The following AGO3 variants were observed in gnomAD, a reference collection of about 807,000 sequenced individuals.
AGO3 encodes protein argonaute-3.
AGO3 carries 16 observed loss-of-function variants against 105.5 expected under a neutral mutation model. The observed-to-expected ratio is 0.15, with a 90% CI of 0.10 to 0.23. The LOEUF (loss-of-function observed/expected upper bound fraction) is 0.23. AGO3 is among the 10% of genes least tolerant of loss of function. AGO3 has a pLI of 1.00. For synonymous variants in AGO3, 340 were observed against 367.3 expected, an observed-to-expected ratio of 0.93 and a Z score of 0.85; for missense variants, 534 against 1,088.0, an observed-to-expected ratio of 0.49 and a Z score of 7.16.
intron 13 of AGO3, among the ~76,000 whole-genome samples, chr1:36,035,928 G>A (rs58416739): frequency 0.015 from 2,297 of 152,036 alleles, 50 homozygotes; most frequent in African/African-American, 0.052. Context: ...AGCTACTTGG[G>A]AGGCTAAGGC....
intron 1 of AGO3, 59 bp downstream of exon 1, chr1:35,931,504 T>A: frequency 7.5e-7 from 1 of 1,340,790 alleles, no homozygotes; most frequent in Non-Finnish European, 9.7e-7. Context: ...CCTCTGAGCA[T>A]CCCTGCTCCT....
chr1:35,962,492 G>A (rs138819394), intron 2 of AGO3, among the ~76,000 whole-genome samples: 26 of 150,570 alleles, frequency 1.7e-4, no homozygotes, highest in African/African-American at 5.9e-4. Flanking sequence ...GCAGTGAGCC[G>A]AGATCACGCC....
At chr1:36,009,125 A>T in intron 8 of AGO3, 81 bp downstream of exon 8, 1 of 1,359,728 alleles carries the variant, frequency 7.4e-7, no homozygotes, top group Non-Finnish European at 9.3e-7. Context: ...CTTACCTCAT[A>T]CAGAACATTT....
chr1:35,985,177 A>G (rs371160906), intron 5 of AGO3, among the ~76,000 whole-genome samples: 1 of 152,034 alleles, frequency 6.6e-6, no homozygotes, highest in African/African-American at 2.4e-5. Context: ...CAGCTACTCA[A>G]GAGGCTCAGT....
At position 36,027,030 on chromosome 1, in the gene AGO3, A is replaced by G. The variant is rs147082862; in HGVS notation, c.1407-84A>G. 1,701 of 1,469,596 alleles carry G rather than the reference A, an allele frequency of 1.2e-3. 23 individuals carry two copies. The African/African-American group carries it at 0.021, about 19-fold the overall frequency. 91.0% of individuals were successfully genotyped at this position (1,469,596 alleles called of 1,614,324 possible). A position where few individuals can be genotyped will look rare whatever the true frequency, so the allele number is the denominator to read the frequency against. On this transcript the variant is annotated intron_variant, in intron 11 of 18. Transcript: ENST00000373191. This position sits in a 1 kb window ranked among gnomAD's most constrained non-coding sequence, Gnocchi z 4.0. ...ACACAAATCTTTGCTTCATCCTTCCATTCCCTTCCCAAACTTCCCATTACT... is the reference window on the plus strand; with the variant it reads ...ACACAAATCTTTGCTTCATCCTTCCGTTCCCTTCCCAAACTTCCCATTACT...
chr1:35,952,853 A>G (rs866973096), intron 2 of AGO3, among the ~76,000 whole-genome samples: 1 of 152,234 alleles, frequency 6.6e-6, no homozygotes, highest in South Asian at 2.1e-4. Context: ...CATTTCCTGG[A>G]ACATATCCCC....
At position 36,027,304 on chromosome 1, in the gene AGO3, G is replaced by T; in HGVS notation, c.1591+6G>T. 6.2e-7 allele frequency: 1 copy of T among 1,601,950 alleles called. No homozygotes were observed. Among genetic ancestry groups the T allele is most frequent in the East Asian group, 2.2e-5 (1 of 44,698 alleles). On this transcript the variant is annotated splice_donor_region_variant and intron_variant, in intron 12 of 18. Transcript: ENST00000373191. The surrounding 1 kb of genome is among the most constrained non-coding windows in gnomAD (Gnocchi z 4.0). ...GGGGAAGACACCAGTGTATGGTAAG[G>T]ATATCTTAAGACTGCATTTTTCCTC...
At chr1:35,982,054 G>A (rs1271151928) in intron 5 of AGO3, among the ~76,000 whole-genome samples, 1 of 152,166 alleles carries the variant, frequency 6.6e-6, no homozygotes, top group Non-Finnish European at 1.5e-5. Flanking sequence ...CAGGTTCTAG[G>A]AGAAAGATGG....
chr1:36,010,763 A>T (rs1466133183), intron 9 of AGO3, among the ~76,000 whole-genome samples: 1 of 151,304 alleles, frequency 6.6e-6, no homozygotes, highest in Non-Finnish European at 1.5e-5. Flanking sequence ...AAAATTAGCC[A>T]GGCATAGTGG....
At position 35,931,411 on chromosome 1, in the gene AGO3, C is replaced by A. The variant is rs977360953; in HGVS notation, c.-16C>A. On this transcript the variant is annotated 5_prime_UTR_variant, in exon 1 of 19. Coordinates refer to ENST00000373191, the MANE Select transcript of AGO3 (RefSeq NM_024852.4). ...GGGCTCCGTTCTCCCTCGAAGCACT[C>A]CCCCCAGCTCCATGAATGGAAATCG... The A allele has an allele frequency of 2.7e-6, 4 of 1,486,490 alleles. No individual in the cohort carries two copies. Among genetic ancestry groups the A allele is most frequent in the South Asian group, 1.3e-5 (1 of 74,504 alleles). 92.1% of individuals were successfully genotyped at this position (1,486,490 alleles called of 1,614,324 possible). A position where few individuals can be genotyped will look rare whatever the true frequency, so the allele number is the denominator to read the frequency against.
chr1:36,015,032 C>T (rs1239601699), intron 11 of AGO3, among the ~76,000 whole-genome samples: 2 of 152,048 alleles, frequency 1.3e-5, no homozygotes, highest in Non-Finnish European at 2.9e-5. Context: ...TCCTCCAATT[C>T]AGTTATTACA....
intron 5 of AGO3, among the ~76,000 whole-genome samples, chr1:35,993,835 C>T (rs534347699): frequency 5.4e-5 from 8 of 147,924 alleles, no homozygotes; most frequent in African/African-American, 1.0e-4. Context: ...GCAACCTCCA[C>T]CTCTCAGGTT....
At chr1:36,016,912 T>C (rs577391500) in intron 11 of AGO3, among the ~76,000 whole-genome samples, 1 of 152,182 alleles carries the variant, frequency 6.6e-6, no homozygotes, top group South Asian at 2.1e-4. Flanking sequence ...TGCATGAGCT[T>C]AGTCCAAAAC....
chr1:36,043,956 C>G (rs1482803932), intron 17 of AGO3, among the ~76,000 whole-genome samples: 1 of 152,144 alleles, frequency 6.6e-6, no homozygotes, highest in Admixed American at 6.6e-5. Context: ...CCTCAGCCTC[C>G]CAAGTAGTTG....
intron 17 of AGO3, among the ~76,000 whole-genome samples, chr1:36,046,274 C>T (rs577352829): frequency 6.6e-6 from 1 of 152,326 alleles, no homozygotes; most frequent in South Asian, 2.1e-4. Flanking sequence ...GCTCCAGGGG[C>T]AAGTAGCCAT....
At chr1:35,955,555 T>G (rs1000778567) in intron 2 of AGO3, among the ~76,000 whole-genome samples, 1 of 151,912 alleles carries the variant, frequency 6.6e-6, no homozygotes, top group Non-Finnish European at 1.5e-5. Context: ...AGTTGCAGTG[T>G]GCTGAAAATG....
intron 6 of AGO3, among the ~76,000 whole-genome samples, chr1:36,005,371 G>A (rs781552952): frequency 1.3e-4 from 19 of 151,988 alleles, no homozygotes; most frequent in Non-Finnish European, 1.2e-4. Flanking sequence ...TTCATTCTTC[G>A]CCATTCAGTA....
At chr1:36,013,591 G>A (rs1380295182) in intron 9 of AGO3, 39 bp from the exon 10 acceptor site, 1 of 1,609,626 alleles carries the variant, frequency 6.2e-7, no homozygotes, top group Non-Finnish European at 8.5e-7. Flanking sequence ...GGGATTTGGG[G>A]GAATTTTGAG....
At position 36,008,890 on chromosome 1, in the gene AGO3, TC is replaced by T; in HGVS notation, c.882-5del. 6.2e-7 allele frequency: 1 copy of T among 1,613,936 alleles called. No individual in the cohort carries two copies. Among genetic ancestry groups the T allele is most frequent in the Admixed American group, 1.7e-5 (1 of 59,962 alleles). On this transcript the variant is annotated splice_polypyrimidine_tract_variant and splice_region_variant and intron_variant, in intron 7 of 18. Coordinates refer to ENST00000373191, the MANE Select transcript of AGO3 (RefSeq NM_024852.4). The surrounding 1 kb of genome is among the most constrained non-coding windows in gnomAD (Gnocchi z 5.1). ...AGAATTGTTCATGTGTACTTTTTTTTCCTCAGCTTTCCTTTACAGTTAGAAA... is the reference window on the plus strand; with the variant it reads ...AGAATTGTTCATGTGTACTTTTTTTTCTCAGCTTTCCTTTACAGTTAGAAA...
Sources: allele counts gnomAD v4.1 joint callset (sites outside exome capture counted in the v4.1 genomes callset), GRCh38; gene constraint gnomAD v4.1.1; non-coding constraint Gnocchi (gnomAD v3.1); transcripts MANE v1.5; gene names NCBI Gene and HGNC (gene_info 2026-07-23, HGNC 2026-07-21).